Variants in PAPLN observed in about 807,000 individuals in gnomAD.
The protein encoded by PAPLN is papilin, proteoglycan like sulfated glycoprotein.
PAPLN carries 146 observed loss-of-function variants against 159.0 expected under a neutral mutation model. The ratio of observed to expected loss-of-function variants is 0.92; its 90% CI spans 0.80 to 1.05. The LOEUF (loss-of-function observed/expected upper bound fraction) is 1.05. PAPLN is among the 50% of genes least tolerant of loss of function. The probability of loss-of-function intolerance (pLI) is 0.00; values close to 1 mark genes in which losing one functional copy is unlikely to be tolerated. For missense variants in PAPLN, 1,720 were observed against 1,743.9 expected (o/e 0.99, Z 0.24); for synonymous variants, 734 against 702.9 (o/e 1.04, Z -0.70).
rs1286577391 is a variant in PAPLN, at chr14:73,259,305, C to T, written c.1745C>T (p.Pro582Leu). 6.3e-7 allele frequency: 1 copy of T among 1,589,068 alleles called. No homozygotes were observed. The highest frequency in any genetic ancestry group is 8.6e-7 in the Non-Finnish European group (1 of 1,165,358). ...CAGTGGTGGGCAGCCCAGGAACACCCCTCAGCCAGGGGTGACCACAGGGGA... is the reference window on the plus strand; with the variant it reads ...CAGTGGTGGGCAGCCCAGGAACACCTCTCAGCCAGGGGTGACCACAGGGGA... ...RGQWWAAQEHPSARGDHRGER... is the reference protein window; with the variant it reads ...RGQWWAAQEHLSARGDHRGER... Residue 582 changes from proline (P) to leucine (L), a missense_variant, in exon 16 of 27, where the codon CCC becomes CTC. Coordinates refer to ENST00000644200, the MANE Select transcript of PAPLN (RefSeq NM_001365906.3).
At chr14:73,239,647 G>T in intron 1 of PAPLN, 126 bp from the exon 2 acceptor site, 1 of 1,445,940 alleles carries the variant, frequency 6.9e-7, no homozygotes. Context: ...GGCGCACCCG[G>T]CTGTCCTGTT....
rs1884200631 is a variant in PAPLN, at chr14:73,245,879, T to TGCCCTC, written c.231+184_232-188dup. 2.1e-5 allele frequency: 19 copies of TGCCCTC among 907,902 alleles called. No individual in the cohort carries two copies. The South Asian group carries it at 3.2e-4, about 15-fold the overall frequency. 56.2% of individuals were successfully genotyped at this position (907,902 alleles called of 1,614,324 possible). A position where few individuals can be genotyped will look rare whatever the true frequency, so the allele number is the denominator to read the frequency against. On this transcript the variant is annotated intron_variant, in intron 4 of 26. Transcript: ENST00000644200. This position sits in a 1 kb window ranked among gnomAD's most constrained non-coding sequence, Gnocchi z 4.2. ...TCACCCTGCTCCCGGGGACTGGCCT[T>TGCCCTC]GCCCTCCACAGCCTAGAGCACCATG... is the stretch of plus-strand genomic sequence containing the variant.
chr14:73,247,458 G>A (rs983770631), intron 5 of PAPLN, among the ~76,000 whole-genome samples: 1 of 152,008 alleles, frequency 6.6e-6, no homozygotes, highest in African/African-American at 2.4e-5. Flanking sequence ...TATTCTCTCT[G>A]TGTGTGTGTG....
chr14:73,242,047 G>A (rs547114798), intron 2 of PAPLN, among the ~76,000 whole-genome samples: 3 of 152,372 alleles, frequency 2.0e-5, no homozygotes, highest in South Asian at 4.1e-4. Flanking sequence ...TTCACGCCAT[G>A]TCGGGCAGTT....
rs764737139 is a variant in PAPLN at position 73,261,235 on chromosome 14, A to G, written c.2186A>G (p.Asp729Gly). Residue 729 changes from aspartate (D) to glycine (G), a missense_variant, in exon 18 of 27, where the codon GAC (aspartate) becomes GGC (glycine). Asp to Gly is a moderately conservative substitution (Grantham distance 94). Coordinates refer to ENST00000644200, the MANE Select transcript of PAPLN (RefSeq NM_001365906.3). ...CRGSQFGCCY[D>G]NVATAAGPLG... ...GGCTCCCAGTTTGGCTGTTGCTATG[A>G]CAACGTGGCCACTGCAGCCGGTCCT... 3.3e-5 allele frequency: 54 copies of G among 1,613,670 alleles called. 1 individual carries two copies. The Admixed American group carries it at 9.0e-4, about 27-fold the overall frequency.
rs140969435 is a variant in PAPLN, at chr14:73,272,793, A to G, written c.*129A>G. ...CTTCTGGAATACATTAGCTCTTTCA[A>G]AAACCCACCCAGTGTTTAGCCTCAA... On this transcript the variant is annotated 3_prime_UTR_variant, in exon 27 of 27. Transcript: ENST00000644200. 1.2e-3 allele frequency: 1,256 copies of G among 1,050,524 alleles called. 14 individuals are homozygous for G. In the African/African-American group the frequency reaches 0.018, roughly 15 times the overall value. The allele number at this position is 1,050,524 out of a possible 1,614,324, so 65.1% of individuals were successfully genotyped here.
intron 7 of PAPLN, 137 bp from the exon 8 acceptor site, chr14:73,251,349 C>A (rs1885231548): frequency 9.7e-7 from 1 of 1,031,288 alleles, no homozygotes; most frequent in South Asian, 1.6e-5. Flanking sequence ...GTTGCCTTTC[C>A]CAGCAGCTCG....
At chr14:73,249,879 A>G in intron 5 of PAPLN, 105 bp from the exon 6 acceptor site, 2 of 1,342,158 alleles carry the variant, frequency 1.5e-6, no homozygotes, top group Non-Finnish European at 2.0e-6. Flanking sequence ...GGCCTGCTGC[A>G]GGGCTTTCTG....
Position 73,239,750 on chromosome 14 carries a change from C to G in PAPLN, c.-6-23C>G, listed in dbSNP as rs2140171747. 3.2e-6 allele frequency: 5 copies of G among 1,573,518 alleles called. No homozygotes were observed. In the South Asian group the frequency reaches 4.6e-5, roughly 14 times the overall value. The stretch of plus-strand genomic sequence containing the variant: ...ACAGCTGCGGGAGCCCCGGGCCGCT[C>G]TAACCCAATGCGTCTCCCGCAGGCT... On this transcript the variant is annotated intron_variant, in intron 1 of 26. Transcript: ENST00000644200.
chr14:73,244,703 C>A lies in PAPLN; in HGVS notation c.114C>A (p.Cys38Ter). 6.3e-7 allele frequency: 1 copy of A among 1,599,308 alleles called. No individual in the cohort carries two copies. The highest frequency in any genetic ancestry group is 8.5e-7 in the Non-Finnish European group (1 of 1,173,400). The change falls in exon 3 of 27, where the codon TGC becomes TGA. Residue 38 changes from cysteine (C) to a stop codon, truncating the protein, a stop_gained. Coordinates refer to ENST00000644200, the MANE Select transcript of PAPLN (RefSeq NM_001365906.3). LOFTEE classifies it high-confidence loss of function. ...GACCCTGGAGCCAGTGGAGCCCCTG[C>A]AGCCGGACCTGTGGAGGGGGTGTCA... ...TWGPWSQWSP[C>*]SRTCGGGVSF...
At chr14:73,239,879 CG>C in intron 2 of PAPLN, 47 bp downstream of exon 2, 2 of 1,516,804 alleles carry the variant, frequency 1.3e-6, no homozygotes, top group East Asian at 2.5e-5. Flanking sequence ...GCAGGGGAGT[CG>C]GGGGCGGGGA....
chr14:73,254,312 G>A (rs888390140), intron 12 of PAPLN, among the ~76,000 whole-genome samples: 2 of 152,176 alleles, frequency 1.3e-5, no homozygotes, highest in Non-Finnish European at 2.9e-5. Context: ...ACAAATGGGT[G>A]ACAACCTCAG....
chr14:73,255,789 CAT>C (rs1288671909), intron 14 of PAPLN, among the ~76,000 whole-genome samples: 1 of 152,186 alleles, frequency 6.6e-6, no homozygotes, highest in Non-Finnish European at 1.5e-5. Context: ...TTCTATGAGA[CAT>C]GTGACAGGTG....
Position 73,272,693 on chromosome 14 carries a change from A to C in PAPLN, c.*29A>C. On this transcript the variant is annotated 3_prime_UTR_variant, in exon 27 of 27. Coordinates refer to ENST00000644200, the MANE Select transcript of PAPLN (RefSeq NM_001365906.3). The stretch of plus-strand genomic sequence containing the variant: ...TGAAGGCTAGTTCCAGCCCCAGTCC[A>C]AAATAGTTCATAGGGCTAGGGAGAA... 6.6e-7 allele frequency: 1 copy of C among 1,515,850 alleles called. No individual in the cohort carries two copies. 93.9% of individuals were successfully genotyped at this position (1,515,850 alleles called of 1,614,324 possible). A position where few individuals can be genotyped will look rare whatever the true frequency, so the allele number is the denominator to read the frequency against.
chr14:73,238,838 T>C (rs2140169041), intron 1 of PAPLN, among the ~76,000 whole-genome samples: 1 of 152,372 alleles, frequency 6.6e-6, no homozygotes, highest in Non-Finnish European at 1.5e-5. Context: ...GCAGAAGTCA[T>C]TTTATATCTT....
chr14:73,252,541 C>A, intron 10 of PAPLN, 108 bp from the exon 11 acceptor site: 1 of 1,413,340 alleles, frequency 7.1e-7, no homozygotes, highest in Non-Finnish European at 9.4e-7. Context: ...TCATCTAAGA[C>A]TGAATGGGGA....
At position 73,259,068 on chromosome 14, in the gene PAPLN, C is replaced by G. The variant is rs548231908; in HGVS notation, c.1708+9C>G. On this transcript the variant is annotated intron_variant, in intron 15 of 26. Coordinates refer to ENST00000644200, the MANE Select transcript of PAPLN (RefSeq NM_001365906.3). ...GGAGTCCCCTGCCTCAGGTGAGAGCCTGGTCCCGTCCCCCACTCAGAGCCC... is the reference window on the plus strand; with the variant it reads ...GGAGTCCCCTGCCTCAGGTGAGAGCGTGGTCCCGTCCCCCACTCAGAGCCC... 10 of 1,607,696 alleles carry G rather than the reference C, an allele frequency of 6.2e-6. No homozygotes were observed. The highest frequency in any genetic ancestry group is 8.5e-6 in the Non-Finnish European group (10 of 1,176,842).
chr14:73,260,805 C>T lies in PAPLN; in HGVS notation c.2082C>T (p.Pro694=). 1 of 1,491,440 alleles carries T rather than the reference C, an allele frequency of 6.7e-7. No individual in the cohort carries two copies. The highest frequency in any genetic ancestry group is 8.9e-7 in the Non-Finnish European group (1 of 1,123,288). The allele number at this position is 1,491,440 out of a possible 1,614,324, so 92.4% of individuals were successfully genotyped here. ...GTGGTGACAGCACCGGGGGCATGCC[C>T]AGGTCAAGGGCAGTGGCTTCTACAG... ...SYGGDSTGGM[P]RSRAVASTVH... The change falls in exon 17 of 27, where the codon CCC becomes CCT. Residue 694 remains proline, a synonymous_variant. Coordinates refer to ENST00000644200, the MANE Select transcript of PAPLN (RefSeq NM_001365906.3).
rs769207221 is a variant in PAPLN, at chr14:73,251,721, C to T, written c.728C>T (p.Ala243Val). The change falls in exon 9 of 27, where the codon GCC (alanine) becomes GTC (valine). Residue 243 changes from alanine to valine, a missense_variant. Transcript: ENST00000644200. The part of the protein sequence containing the change: ...YLNGHWTIEA[A>V]RALPAASTIL... ...AATGGGCACTGGACCATCGAGGCGG[C>T]CCGGGCCCTGCCAGCAGCCAGCACC... 45 of 1,613,172 alleles carry T rather than the reference C, an allele frequency of 2.8e-5. No individual in the cohort carries two copies. The highest frequency in any genetic ancestry group is 3.1e-5 in the Non-Finnish European group (36 of 1,179,992).
Sources: allele counts gnomAD v4.1 joint callset (sites outside exome capture counted in the v4.1 genomes callset), GRCh38; gene constraint gnomAD v4.1.1; non-coding constraint Gnocchi (gnomAD v3.1); transcripts MANE v1.5; gene names NCBI Gene and HGNC (gene_info 2026-07-23, HGNC 2026-07-21).